Variants in MBD5 observed in about 807,000 individuals in gnomAD.
MBD5 encodes methyl-CpG binding domain protein 5.
Under a neutral mutation model 117.3 loss-of-function variants are expected in MBD5, and 13 were observed. That is an observed-to-expected ratio of 0.11 (90% CI 0.07 to 0.18). The LOEUF (loss-of-function observed/expected upper bound fraction) is 0.18. Ranked by LOEUF, MBD5 falls within the 10% of genes least tolerant of loss-of-function variation. The probability of loss-of-function intolerance (pLI) is 1.00; values close to 1 mark genes in which losing one functional copy is unlikely to be tolerated. For synonymous variants in MBD5, 727 were observed against 766.4 expected (o/e 0.95, Z 0.85); for missense variants, 1,879 against 2,093.8 (o/e 0.90, Z 2.00).
rs191869773 is a variant in MBD5, at chr2:148,026,431, A to G, written c.-925+4747A>G. ...GTAGATACAGACCATTGTACAATTT[A>G]AAATATACATAATGTCAGTCTTTTC... On this transcript the variant is annotated intron_variant, in intron 1 of 13. Coordinates refer to ENST00000642680, the MANE Select transcript of MBD5 (RefSeq NM_001378120.1). 6.6e-5 allele frequency: 10 copies of G among 152,304 alleles called. No homozygotes were observed. The East Asian group carries it at 1.9e-3, about 29-fold the overall frequency. The allele number at this position is 152,304 out of a possible 1,614,324, so 9.4% of individuals were successfully genotyped here. A position where few individuals can be genotyped will look rare whatever the true frequency, so the allele number is the denominator to read the frequency against.
intron 1 of MBD5, among the ~76,000 whole-genome samples, chr2:148,169,799 A>G (rs1019541186): frequency 6.6e-6 from 1 of 152,184 alleles, no homozygotes; most frequent in Non-Finnish European, 1.5e-5. Context: ...GCAAGTTGCA[A>G]GAGGGGTAAA....
chr2:148,119,295 G>C (rs529666191), intron 1 of MBD5, among the ~76,000 whole-genome samples: 2 of 151,834 alleles, frequency 1.3e-5, no homozygotes, highest in African/African-American at 4.8e-5. Context: ...GTCCTTATAG[G>C]CCACATTTAT....
At chr2:148,053,091 G>T (rs934390540) in intron 1 of MBD5, among the ~76,000 whole-genome samples, 10 of 151,174 alleles carry the variant, frequency 6.6e-5, no homozygotes, top group Admixed American at 4.0e-4. Context: ...ATTTAGATTT[G>T]TATGTTCATT....
At chr2:148,183,718 G>C (rs569686718) in intron 2 of MBD5, among the ~76,000 whole-genome samples, 1 of 151,998 alleles carries the variant, frequency 6.6e-6, no homozygotes, top group Admixed American at 6.5e-5. Context: ...AAGACATTTT[G>C]TCAGCATTAC....
intron 1 of MBD5, among the ~76,000 whole-genome samples, chr2:148,095,735 T>G (rs1484758683): frequency 1.3e-5 from 2 of 152,196 alleles, no homozygotes; most frequent in East Asian, 3.9e-4. Context: ...GTTAGTTTTT[T>G]TTTTTTAACT....
At chr2:148,145,260 G>T (rs1424863005) in intron 1 of MBD5, among the ~76,000 whole-genome samples, 1 of 152,108 alleles carries the variant, frequency 6.6e-6, no homozygotes, top group Non-Finnish European at 1.5e-5. Context: ...GTCTGTTATT[G>T]CTTTATAGGA....
intron 4 of MBD5, among the ~76,000 whole-genome samples, chr2:148,400,824 T>G (rs1704897128): frequency 6.6e-6 from 1 of 152,168 alleles, no homozygotes; most frequent in Non-Finnish European, 1.5e-5. Flanking sequence ...TTAAGGTGAT[T>G]TTTTACCCTT....
At chr2:148,399,265 T>C (rs1704838156) in intron 4 of MBD5, among the ~76,000 whole-genome samples, 1 of 152,216 alleles carries the variant, frequency 6.6e-6, no homozygotes, top group Non-Finnish European at 1.5e-5. Context: ...TTTCACGATA[T>C]TTATTCTTCC....
At chr2:148,412,268 C>CCTT (rs1705275991) in intron 4 of MBD5, among the ~76,000 whole-genome samples, 1 of 92,982 alleles carries the variant, frequency 1.1e-5, no homozygotes, top group African/African-American at 5.4e-5. Flanking sequence ...TTGTAGTATA[C>CCTT]TTTTTGTGTG....
chr2:148,113,747 C>A (rs982399757), intron 1 of MBD5, among the ~76,000 whole-genome samples: 5 of 152,238 alleles, frequency 3.3e-5, no homozygotes, highest in Non-Finnish European at 5.9e-5. Flanking sequence ...GTTAACATAA[C>A]ACACAAGTTT....
At chr2:148,421,344 G>T (rs1325338583) in intron 4 of MBD5, among the ~76,000 whole-genome samples, 1 of 152,138 alleles carries the variant, frequency 6.6e-6, no homozygotes, top group Admixed American at 6.5e-5. Flanking sequence ...CCCTCCCCTA[G>T]CCAAGGGAAG....
At chr2:148,067,819 TG>T (rs1019324095) in intron 1 of MBD5, among the ~76,000 whole-genome samples, 1 of 152,256 alleles carries the variant, frequency 6.6e-6, no homozygotes, top group Non-Finnish European at 1.5e-5. Context: ...TTGCCCTGTG[TG>T]GGCAAAAGTT....
intron 1 of MBD5, among the ~76,000 whole-genome samples, chr2:148,130,747 A>G (rs1166592741): frequency 6.6e-6 from 1 of 152,186 alleles, no homozygotes; most frequent in African/African-American, 2.4e-5. Context: ...GATCTGCCAC[A>G]TTGCAGGCTT....
intron 1 of MBD5, among the ~76,000 whole-genome samples, chr2:148,119,260 C>T (rs1326660013): frequency 2.0e-5 from 3 of 152,074 alleles, no homozygotes; most frequent in African/African-American, 4.8e-5. Context: ...TCCCTAATGA[C>T]TAATGATATT....
intron 4 of MBD5, among the ~76,000 whole-genome samples, chr2:148,445,282 C>A (rs201896885): frequency 1.3e-5 from 2 of 150,948 alleles, no homozygotes; most frequent in Non-Finnish European, 2.9e-5. Flanking sequence ...GCTATCCCTC[C>A]CCGCTCCCCC....
At chr2:148,288,668 G>A (rs573085225) in intron 3 of MBD5, among the ~76,000 whole-genome samples, 6 of 151,918 alleles carry the variant, frequency 3.9e-5, no homozygotes, top group South Asian at 2.1e-4. Flanking sequence ...AACCATAGGC[G>A]CAATTAACTA....
intron 12 of MBD5, among the ~76,000 whole-genome samples, chr2:148,509,678 G>A (rs1322855939): frequency 6.6e-6 from 1 of 152,202 alleles, no homozygotes; most frequent in Non-Finnish European, 1.5e-5. Context: ...TGATCACACA[G>A]TCAGGCTGAC....
chr2:148,452,017 A>G (rs1706741827), intron 4 of MBD5, among the ~76,000 whole-genome samples: 1 of 152,192 alleles, frequency 6.6e-6, no homozygotes, highest in Non-Finnish European at 1.5e-5. Context: ...ATGTCATTAT[A>G]AACATTTTAA....
chr2:148,483,417 C>G lies in MBD5; in HGVS notation c.2826C>G (p.Leu942=), dbSNP rs1384675910. 2 of 1,614,050 alleles carry G rather than the reference C, an allele frequency of 1.2e-6. No individual in the cohort carries two copies. The highest frequency in any genetic ancestry group is 1.7e-6 in the Non-Finnish European group (2 of 1,179,924). ...HLLNQNLLNI[L]QPSAGEGKSE... Reference sequence around the variant, plus strand: ...TAAACCAGAATCTATTAAATATCCTCCAGCCTTCAGCAGGAGAAGGCAAGT... The same window carrying G: ...TAAACCAGAATCTATTAAATATCCTGCAGCCTTCAGCAGGAGAAGGCAAGT... The change falls in exon 9 of 14, where the codon CTC becomes CTG. Residue 942 remains leucine, a synonymous_variant. Coordinates refer to ENST00000642680, the MANE Select transcript of MBD5 (RefSeq NM_001378120.1).
Sources: gnomAD v4.1 joint callset for allele counts (sites outside exome capture counted in the v4.1 genomes callset) on GRCh38, gnomAD v4.1.1 for gene constraint, MANE v1.5 for transcripts, NCBI Gene and HGNC (gene_info 2026-07-23, HGNC 2026-07-21) for gene names.